TRIM24: variants seen among roughly 807,000 people sequenced by gnomAD.
TRIM24 encodes transcription intermediary factor 1-alpha.
A neutral mutation model predicts 123.9 loss-of-function variants in TRIM24; 29 were observed. The ratio of observed to expected loss-of-function variants is 0.23; its 90% CI spans 0.17 to 0.32. The LOEUF (loss-of-function observed/expected upper bound fraction) is 0.32, where lower values mean the gene tolerates loss of function less well. Ranked by LOEUF, TRIM24 falls within the 10% of genes least tolerant of loss-of-function variation. TRIM24 has a pLI of 1.00. For missense variants in TRIM24, 932 were observed against 1,295.3 expected (o/e 0.72, Z 4.31); for synonymous variants, 456 against 461.1 (o/e 0.99, Z 0.14).
chr7:138,550,619 T>A (rs1797192043), intron 7 of TRIM24, among the ~76,000 whole-genome samples: 1 of 152,012 alleles, frequency 6.6e-6, no homozygotes, highest in Non-Finnish European at 1.5e-5. Context: ...GGAACAGAAC[T>A]GTAACAAGGA....
chr7:138,579,125 G>C (rs1797838202), intron 14 of TRIM24, 79 bp from the exon 15 acceptor site: 1 of 1,183,770 alleles, frequency 8.4e-7, no homozygotes, highest in South Asian at 1.6e-5. Context: ...GCTCACCAGA[G>C]AGTGGTCTAC....
At chr7:138,581,661 AAT>A in intron 16 of TRIM24, 34 bp from the exon 17 acceptor site, 2 of 1,519,716 alleles carry the variant, frequency 1.3e-6, no homozygotes, top group Non-Finnish European at 1.8e-6. Flanking sequence ...ATTGTTTTAT[AAT>A]ATTTTATCTC....
chr7:138,577,357 CT>C, intron 13 of TRIM24, 62 bp from the exon 14 acceptor site: 2 of 1,323,708 alleles, frequency 1.5e-6, no homozygotes, highest in Non-Finnish European at 2.0e-6. Context: ...TGTTGTTATA[CT>C]TTTTATGAGG....
Position 138,521,157 on chromosome 7 carries a change from T to A in TRIM24, c.764+1836T>A, listed in dbSNP as rs140730094. ...AGGCAAAATAAACTGGGAGAGCATA[T>A]CCCTGCTAAACTCTCATTTAAAGTA... On this transcript the variant is annotated intron_variant, in intron 4 of 18. Coordinates refer to ENST00000343526, the MANE Select transcript of TRIM24 (RefSeq NM_015905.3). 4.3e-3 allele frequency among the ~76,000 whole-genome samples: 650 copies of A among 152,274 alleles called. 6 individuals carry two copies. Among genetic ancestry groups the A allele is most frequent in the African/African-American group, 0.015 (635 of 41,562 alleles).
At chr7:138,578,891 G>A (rs1205969128) in intron 14 of TRIM24, among the ~76,000 whole-genome samples, 1 of 151,592 alleles carries the variant, frequency 6.6e-6, no homozygotes, top group Non-Finnish European at 1.5e-5. Context: ...TGTATCTTAG[G>A]TATAATTTGA....
At chr7:138,541,403 G>T (rs1395563917) in intron 7 of TRIM24, among the ~76,000 whole-genome samples, 1 of 152,162 alleles carries the variant, frequency 6.6e-6, no homozygotes, top group African/African-American at 2.4e-5. Flanking sequence ...TTCCATGAGA[G>T]CTCTTGGGTG....
intron 7 of TRIM24, among the ~76,000 whole-genome samples, chr7:138,544,732 T>C (rs1229275149): frequency 6.6e-6 from 1 of 152,244 alleles, no homozygotes; most frequent in Non-Finnish European, 1.5e-5. Context: ...TGATAGCTCA[T>C]TGTGGTCTTG....
rs1373068952 is a variant in TRIM24 at position 138,587,781 on chromosome 7, A to G, written c.*2830A>G. 6.6e-6 allele frequency: 1 copy of G among 152,280 alleles called. No homozygotes were observed. Among genetic ancestry groups the G allele is most frequent in the East Asian group, 1.9e-4 (1 of 5,194 alleles). 9.4% of individuals were successfully genotyped at this position (152,280 alleles called of 1,614,324 possible). ...TCACTGACAGCTTTTCTAGGTGCCA[A>G]GCAACTGACTTTTCCTGTGTAAGGA... On this transcript the variant is annotated 3_prime_UTR_variant, in exon 19 of 19. Coordinates refer to ENST00000343526, the MANE Select transcript of TRIM24 (RefSeq NM_015905.3).
chr7:138,498,747 A>G (rs1182550234), intron 1 of TRIM24, among the ~76,000 whole-genome samples: 2 of 150,682 alleles, frequency 1.3e-5, no homozygotes, highest in Non-Finnish European at 3.0e-5. Flanking sequence ...AAGCAATGCT[A>G]CCTCCTCCTC....
intron 16 of TRIM24, 143 bp from the exon 17 acceptor site, chr7:138,581,554 C>T (rs1420811661): frequency 3.8e-5 from 25 of 649,746 alleles, no homozygotes; most frequent in Middle Eastern, 4.3e-4. Context: ...AGCAAAACTC[C>T]GAGAATCAGT....
rs1470617876 is a variant in TRIM24 at position 138,563,445 on chromosome 7, C to T, written c.1531-4036C>T. On this transcript the variant is annotated intron_variant, in intron 9 of 18. Transcript: ENST00000343526. ...CTCCGTCTGTGCCCGTGTCCACATCCGCACCCTCTTGCAATGCTAGTTTCC... is the reference window on the plus strand; with the variant it reads ...CTCCGTCTGTGCCCGTGTCCACATCTGCACCCTCTTGCAATGCTAGTTTCC... 3.9e-5 allele frequency among the ~76,000 whole-genome samples: 6 copies of T among 152,298 alleles called. No homozygotes were observed. The South Asian group carries it at 6.2e-4, about 16-fold the overall frequency.
intron 5 of TRIM24, among the ~76,000 whole-genome samples, chr7:138,526,253 G>C (rs562821156): frequency 6.6e-6 from 1 of 152,150 alleles, no homozygotes; most frequent in South Asian, 2.1e-4. Flanking sequence ...GGAGCATTTG[G>C]GAATTTTTTT....
At chr7:138,579,574 T>C in intron 15 of TRIM24, 42 bp downstream of exon 15, 1 of 1,481,920 alleles carries the variant, frequency 6.7e-7, no homozygotes, top group Non-Finnish European at 9.1e-7. Context: ...TACTGTAAAC[T>C]TTTGAAGATT....
intron 9 of TRIM24, 81 bp downstream of exon 9, chr7:138,555,047 C>A (rs2116636776): frequency 7.2e-7 from 1 of 1,380,914 alleles, no homozygotes; most frequent in African/African-American, 1.4e-5. Context: ...CAAAGACATC[C>A]ATTTTCCATA....
chr7:138,586,130 T>C lies in TRIM24; in HGVS notation c.*1179T>C, dbSNP rs912188203. ...ATAGAGGTACAAAAGACTTATCTTC[T>C]GAGGACAAGCATATTCTTAATGTGC... On this transcript the variant is annotated 3_prime_UTR_variant, in exon 19 of 19. Coordinates refer to ENST00000343526, the MANE Select transcript of TRIM24 (RefSeq NM_015905.3). 2.8e-6 allele frequency: 1 copy of C among 352,318 alleles called. No individual in the cohort carries two copies. Among genetic ancestry groups the C allele is most frequent in the Non-Finnish European group, 5.6e-6 (1 of 178,958 alleles). 21.8% of individuals were successfully genotyped at this position (352,318 alleles called of 1,614,324 possible).
chr7:138,520,202 T>G (rs1404162351), intron 4 of TRIM24, among the ~76,000 whole-genome samples: 1 of 152,110 alleles, frequency 6.6e-6, no homozygotes. Context: ...CAGCTTAGAG[T>G]GCAAGGATCA....
intron 4 of TRIM24, among the ~76,000 whole-genome samples, chr7:138,521,032 G>A (rs748256972): frequency 2.6e-5 from 4 of 152,188 alleles, no homozygotes; most frequent in Non-Finnish European, 4.4e-5. Context: ...AATTAAGAAA[G>A]TAATATTTTT....
At chr7:138,573,414 AATTATT>A (rs71863733) in intron 11 of TRIM24, 87 bp from the exon 12 acceptor site, 1 of 1,180,368 alleles carries the variant, frequency 8.5e-7, no homozygotes, top group Non-Finnish European at 1.1e-6. Flanking sequence ...ATTCGATAAT[AATTATT>A]AAGTTATTGA....
intron 1 of TRIM24, among the ~76,000 whole-genome samples, chr7:138,472,637 A>G (rs1484238995): frequency 6.6e-6 from 1 of 152,144 alleles, no homozygotes; most frequent in African/African-American, 2.4e-5. Flanking sequence ...AAAGACCATG[A>G]ATTAACAACG....
Sources: allele counts gnomAD v4.1 joint callset (sites outside exome capture counted in the v4.1 genomes callset), GRCh38; gene constraint gnomAD v4.1.1; transcripts MANE v1.5; gene names NCBI Gene and HGNC (gene_info 2026-07-23, HGNC 2026-07-21).